SPOCK1: variants seen among roughly 807,000 people sequenced by gnomAD.
SPOCK1 encodes the protein SPARC (osteonectin), cwcv and kazal like domains proteoglycan 1.
In SPOCK1, 23 loss-of-function variants were observed where a neutral mutation model predicts 55.3. The ratio of observed to expected loss-of-function variants is 0.42; its 90% CI spans 0.30 to 0.59. SPOCK1 has a LOEUF of 0.59. SPOCK1 is among the 20% of genes least tolerant of loss of function. SPOCK1 has a pLI of 0.22. For missense variants in SPOCK1, 499 were observed against 552.5 expected (o/e 0.90, Z 0.97); for synonymous variants, 226 against 221.0 (o/e 1.02, Z -0.20).
chr5:137,413,259 A>T (rs1180673903), intron 2 of SPOCK1, among the ~76,000 whole-genome samples: 1 of 152,130 alleles, frequency 6.6e-6, no homozygotes, highest in African/African-American at 2.4e-5. Flanking sequence ...ATTATACTGC[A>T]TTTAAATATA....
At chr5:137,367,789 G>C (rs952312070) in intron 2 of SPOCK1, among the ~76,000 whole-genome samples, 1 of 152,216 alleles carries the variant, frequency 6.6e-6, no homozygotes, top group Non-Finnish European at 1.5e-5. Flanking sequence ...CCAACTACCT[G>C]CTGATAACTG....
At chr5:137,309,888 G>T (rs1757761035) in intron 2 of SPOCK1, among the ~76,000 whole-genome samples, 1 of 151,888 alleles carries the variant, frequency 6.6e-6, no homozygotes, top group South Asian at 2.1e-4. Context: ...TTTCCAAGAG[G>T]GTCTGACATA....
At chr5:137,038,994 A>T (rs778334028) in intron 6 of SPOCK1, among the ~76,000 whole-genome samples, 4 of 152,184 alleles carry the variant, frequency 2.6e-5, no homozygotes, top group Non-Finnish European at 5.9e-5. Flanking sequence ...GAATGTTGTT[A>T]CACAGACCTT....
chr5:137,075,746 G>A (rs778550147), intron 5 of SPOCK1, among the ~76,000 whole-genome samples: 1 of 152,122 alleles, frequency 6.6e-6, no homozygotes, highest in Non-Finnish European at 1.5e-5. Context: ...CCGGCACCGT[G>A]GAGAGGAGTG....
intron 6 of SPOCK1, among the ~76,000 whole-genome samples, chr5:137,052,021 A>G (rs1752216701): frequency 6.6e-6 from 1 of 152,224 alleles, no homozygotes; most frequent in South Asian, 2.1e-4. Flanking sequence ...ATGTAAGCAG[A>G]ACTGTATCCA....
intron 9 of SPOCK1, among the ~76,000 whole-genome samples, chr5:136,980,135 C>T (rs1431496334): frequency 6.7e-6 from 1 of 148,518 alleles, no homozygotes; most frequent in East Asian, 2.0e-4. Context: ...CAAGCCATGC[C>T]AATATCACCA....
Position 136,978,381 on chromosome 5 carries a change from C to T in SPOCK1, c.*273G>A, listed in dbSNP as rs751194891. The T allele has an allele frequency of 2.7e-6, 1 of 377,182 alleles. No homozygotes were observed. The highest frequency in any genetic ancestry group is 4.7e-6 in the Non-Finnish European group (1 of 213,040). The allele number at this position is 377,182 out of a possible 1,614,324, so 23.4% of individuals were successfully genotyped here. A position where few individuals can be genotyped will look rare whatever the true frequency, so the allele number is the denominator to read the frequency against. On this transcript the variant is annotated 3_prime_UTR_variant, in exon 11 of 11. Coordinates refer to ENST00000394945, the MANE Select transcript of SPOCK1 (RefSeq NM_004598.4). ...AATCACATGCTTGTTGGAAAAATCT[C>T]ACAGAAAGGAAGGAGGCTCTAATTA...
chr5:137,302,447 C>T lies in SPOCK1; in HGVS notation c.187-35392G>A, dbSNP rs564356772. ...AAAAAATTAGCCAGGTGTGGTGGCA[C>T]GCACCTGTAGTCCCAGCTACTCGGG... On this transcript the variant is annotated intron_variant, in intron 2 of 10. Transcript: ENST00000394945. Among the ~76,000 whole-genome samples the T allele has an allele frequency of 6.7e-4, 101 of 150,912 alleles. No individual in the cohort carries two copies. The East Asian group carries it at 0.01, about 15-fold the overall frequency.
At position 137,319,858 on chromosome 5, in the gene SPOCK1, T is replaced by C. The variant is rs1181358050; in HGVS notation, c.187-52803A>G. ...TACTCGGGAGGCTGAGGCAGGAGAA[T>C]GGCGTGAACCCGGGAAGCGGAGCTT... On this transcript the variant is annotated intron_variant, in intron 2 of 10. Transcript: ENST00000394945. 4.2e-5 allele frequency among the ~76,000 whole-genome samples: 6 copies of C among 143,178 alleles called. No homozygotes were observed. The East Asian group carries it at 1.3e-3, about 30-fold the overall frequency. The allele number at this position is 143,178 out of a possible 152,430, so 93.9% of individuals were successfully genotyped here.
intron 3 of SPOCK1, among the ~76,000 whole-genome samples, chr5:137,237,150 T>C (rs1449437304): frequency 2.0e-5 from 3 of 152,216 alleles, no homozygotes; most frequent in Admixed American, 1.3e-4. Context: ...GGTAATTGCA[T>C]GGAAATCATT....
chr5:137,425,446 C>A (rs988889231), intron 2 of SPOCK1, among the ~76,000 whole-genome samples: 2 of 151,556 alleles, frequency 1.3e-5, no homozygotes, highest in East Asian at 1.9e-4. Context: ...ATCCTGCTGA[C>A]AAATTCATCT....
At chr5:137,074,542 GT>G (rs1752688239) in intron 5 of SPOCK1, among the ~76,000 whole-genome samples, 1 of 152,196 alleles carries the variant, frequency 6.6e-6, no homozygotes, top group African/African-American at 2.4e-5. Context: ...TTGAGACTGA[GT>G]TTCGCTCTTA....
chr5:137,424,599 A>C (rs1752569038), intron 2 of SPOCK1, among the ~76,000 whole-genome samples: 1 of 152,190 alleles, frequency 6.6e-6, no homozygotes, highest in Non-Finnish European at 1.5e-5. Flanking sequence ...TCAAGCTGGA[A>C]ACAATCCAGA....
rs772246376 is a variant in SPOCK1 at position 137,122,240 on chromosome 5, T to TACACACAC, written c.348-9687_348-9680dup. On this transcript the variant is annotated intron_variant, in intron 4 of 10. Transcript: ENST00000394945. ...TGAGGCCTGCATGCAAAAGCAGTTA[T>TACACACAC]ACACACACACACACACGCACACACA... Among the ~76,000 whole-genome samples, 198 of 133,056 alleles carry TACACACAC rather than the reference T, an allele frequency of 1.5e-3. 1 individual carries two copies. Among genetic ancestry groups the TACACACAC allele is most frequent in the African/African-American group, 5.0e-3 (169 of 34,058 alleles). 87.3% of individuals were successfully genotyped at this position (133,056 alleles called of 152,430 possible).
At chr5:137,137,433 T>C (rs1754004930) in intron 4 of SPOCK1, among the ~76,000 whole-genome samples, 1 of 152,200 alleles carries the variant, frequency 6.6e-6, no homozygotes, top group South Asian at 2.1e-4. Context: ...CAAAGAGGTA[T>C]GCACTCAACT....
intron 3 of SPOCK1, among the ~76,000 whole-genome samples, chr5:137,212,993 ATG>A (rs1755646882): frequency 6.6e-6 from 1 of 152,184 alleles, no homozygotes; most frequent in Non-Finnish European, 1.5e-5. Flanking sequence ...GGTCAAGGCC[ATG>A]AGTCTTGGTT....
chr5:137,236,934 T>C (rs1389595385), intron 3 of SPOCK1, among the ~76,000 whole-genome samples: 1 of 152,122 alleles, frequency 6.6e-6, no homozygotes, highest in Non-Finnish European at 1.5e-5. Context: ...CCCCAACCAA[T>C]ACCATTCAGA....
chr5:137,193,158 C>T (rs1290222593), intron 3 of SPOCK1, among the ~76,000 whole-genome samples: 1 of 152,050 alleles, frequency 6.6e-6, no homozygotes, highest in East Asian at 1.9e-4. Flanking sequence ...AGAAGTATAC[C>T]AATTAGGAGA....
At chr5:137,285,592 C>T (rs1757248473) in intron 2 of SPOCK1, among the ~76,000 whole-genome samples, 1 of 152,234 alleles carries the variant, frequency 6.6e-6, no homozygotes, top group Non-Finnish European at 1.5e-5. Context: ...GAGCCACTCA[C>T]ACCTGTGGTA....
Sources: allele counts gnomAD v4.1 joint callset (sites outside exome capture counted in the v4.1 genomes callset), GRCh38; gene constraint gnomAD v4.1.1; transcripts MANE v1.5; gene names NCBI Gene and HGNC (gene_info 2026-07-23, HGNC 2026-07-21).